The following TRIM9 variants were observed in gnomAD, a reference collection of about 807,000 sequenced individuals.
TRIM9 encodes the protein E3 ubiquitin-protein ligase TRIM9.
In TRIM9, 26 loss-of-function variants were observed where a neutral mutation model predicts 78.3. The observed-to-expected ratio is 0.33, with a 90% CI of 0.24 to 0.46. The LOEUF (loss-of-function observed/expected upper bound fraction) is 0.46. Ranked by LOEUF, TRIM9 falls within the 20% of genes least tolerant of loss-of-function variation. The probability of loss-of-function intolerance (pLI) is 1.00; values close to 1 mark genes in which losing one functional copy is unlikely to be tolerated. For synonymous variants in TRIM9, 398 were observed against 416.5 expected (o/e 0.96, Z 0.54); for missense variants, 787 against 1,036.4 (o/e 0.76, Z 3.30).
intron 1 of TRIM9, among the ~76,000 whole-genome samples, chr14:51,031,003 C>A (rs935207218): frequency 6.6e-6 from 1 of 151,768 alleles, no homozygotes; most frequent in Non-Finnish European, 1.5e-5. Context: ...AAAAAGTTAG[C>A]CAGGCATGGT....
chr14:51,073,501 T>G (rs187596759), intron 1 of TRIM9, among the ~76,000 whole-genome samples: 1 of 152,256 alleles, frequency 6.6e-6, no homozygotes, highest in Non-Finnish European at 1.5e-5. Flanking sequence ...ACAATATAAG[T>G]GGATCCAAAA....
intron 1 of TRIM9, chr14:51,088,852 T>C (rs1030316284): frequency 4.6e-5 from 7 of 152,156 alleles, no homozygotes; most frequent in African/African-American, 1.7e-4. Flanking sequence ...CTAAACACAA[T>C]ATTCTAAAGA....
intron 4 of TRIM9, among the ~76,000 whole-genome samples, chr14:51,009,440 G>A (rs1279056687): frequency 6.6e-6 from 1 of 152,146 alleles, no homozygotes. Flanking sequence ...TTGTGAGTTG[G>A]GGGGCACTAT....
At position 50,985,815 on chromosome 14, in the gene TRIM9, C is replaced by T. The variant is rs968119029; in HGVS notation, c.1792+141G>A. 39 of 713,334 alleles carry T rather than the reference C, an allele frequency of 5.5e-5. 1 individual carries two copies. Among genetic ancestry groups the T allele is most frequent in the Non-Finnish European group, 7.0e-5 (34 of 485,738 alleles). 44.2% of individuals were successfully genotyped at this position (713,334 alleles called of 1,614,324 possible). A position where few individuals can be genotyped will look rare whatever the true frequency, so the allele number is the denominator to read the frequency against. On this transcript the variant is annotated intron_variant, in intron 8 of 12. Coordinates refer to ENST00000684578, the MANE Select transcript of TRIM9 (RefSeq NM_001387360.1). ...CACAAAGCTCCACCATCCCGATGCT[C>T]CTCATACGGAAAGCAGGCCACAGAC... is the stretch of plus-strand genomic sequence containing the variant.
At chr14:51,006,677 G>A (rs535581095) in intron 5 of TRIM9, among the ~76,000 whole-genome samples, 1 of 152,304 alleles carries the variant, frequency 6.6e-6, no homozygotes, top group African/African-American at 2.4e-5. Flanking sequence ...GAAAATGGAA[G>A]ACTATAATCC....
At chr14:50,983,911 CTTA>C (rs1566543755) in intron 8 of TRIM9, among the ~76,000 whole-genome samples, 1 of 152,132 alleles carries the variant, frequency 6.6e-6, no homozygotes, top group African/African-American at 2.4e-5. Context: ...ATACATACAT[CTTA>C]TTAATAATTA....
At chr14:50,979,236 T>G (rs2051482339) in intron 12 of TRIM9, 151 bp downstream of exon 12, 2 of 1,501,864 alleles carry the variant, frequency 1.3e-6, no homozygotes, top group Admixed American at 2.4e-5. Context: ...AAGTTGCCAG[T>G]GCTGATCCCT....
intron 12 of TRIM9, 103 bp from the exon 13 acceptor site, chr14:50,977,456 C>T (rs2051196700): frequency 6.7e-6 from 6 of 893,090 alleles, no homozygotes; most frequent in African/African-American, 3.5e-5. Context: ...GTTCTGTTTG[C>T]TTCGCTTTAA....
At chr14:51,010,522 A>G in intron 3 of TRIM9, 28 bp from the exon 4 acceptor site, 1 of 1,550,160 alleles carries the variant, frequency 6.5e-7, no homozygotes, top group Non-Finnish European at 8.9e-7. Context: ...ACAACAGAAC[A>G]GTCCAAGATG....
At chr14:51,053,595 A>ATTTTTTTTTTT (rs59227932) in intron 1 of TRIM9, among the ~76,000 whole-genome samples, 2 of 82,210 alleles carry the variant, frequency 2.4e-5, no homozygotes, top group Non-Finnish European at 4.7e-5. Flanking sequence ...TTTTTTTTTA[A>ATTTTTTTTTTT]TTTTTTTTTT....
chr14:50,998,860 T>C (rs910933558), intron 6 of TRIM9, among the ~76,000 whole-genome samples: 2 of 152,218 alleles, frequency 1.3e-5, no homozygotes, highest in African/African-American at 2.4e-5. Flanking sequence ...GCTGTACACA[T>C]TGCAAAATTA....
intron 5 of TRIM9, among the ~76,000 whole-genome samples, chr14:51,002,790 A>G (rs1192302257): frequency 6.6e-6 from 1 of 152,256 alleles, no homozygotes; most frequent in Non-Finnish European, 1.5e-5. Context: ...TATACTTAAG[A>G]AAACACTGTG....
intron 1 of TRIM9, among the ~76,000 whole-genome samples, chr14:51,048,845 G>A (rs2060159071): frequency 6.6e-6 from 1 of 151,960 alleles, no homozygotes; most frequent in South Asian, 2.1e-4. Flanking sequence ...TTAGCTGGGT[G>A]TGGTGATGGA....
At chr14:51,020,277 C>T (rs539761037) in intron 3 of TRIM9, among the ~76,000 whole-genome samples, 64 of 152,186 alleles carry the variant, frequency 4.2e-4, no homozygotes, top group African/African-American at 1.5e-3. Context: ...GAGAGGAGAG[C>T]GAGCGAGCCG....
chr14:51,080,386 A>ATG (rs113178358), intron 1 of TRIM9, among the ~76,000 whole-genome samples: 4,463 of 150,802 alleles, frequency 0.03, 163 homozygotes, highest in African/African-American at 0.085. Flanking sequence ...GTCTGAGGGC[A>ATG]TGGAAGAGTC....
intron 1 of TRIM9, among the ~76,000 whole-genome samples, chr14:51,062,710 A>G (rs1224786482): frequency 6.6e-6 from 1 of 152,178 alleles, no homozygotes; most frequent in Non-Finnish European, 1.5e-5. Flanking sequence ...GAATCCTTGA[A>G]ATCTGTATTT....
intron 1 of TRIM9, among the ~76,000 whole-genome samples, chr14:51,039,392 C>T (rs963688213): frequency 1.3e-5 from 2 of 152,222 alleles, no homozygotes; most frequent in Non-Finnish European, 2.9e-5. Context: ...GCTCAGATGT[C>T]TACCAACAGT....
intron 12 of TRIM9, among the ~76,000 whole-genome samples, chr14:50,978,551 C>CA (rs938251327): frequency 6.6e-6 from 1 of 152,194 alleles, no homozygotes; most frequent in Non-Finnish European, 1.5e-5. Context: ...CTTTAAGGCT[C>CA]AGCTCACCGG....
intron 5 of TRIM9, among the ~76,000 whole-genome samples, chr14:51,002,934 A>G (rs1311459469): frequency 1.3e-5 from 2 of 152,232 alleles, no homozygotes; most frequent in Non-Finnish European, 2.9e-5. Context: ...CAGGGTTTGG[A>G]TGAAATCTTA....
Sources: gnomAD v4.1 joint callset for allele counts (sites outside exome capture counted in the v4.1 genomes callset) on GRCh38, gnomAD v4.1.1 for gene constraint, MANE v1.5 for transcripts, NCBI Gene and HGNC (gene_info 2026-07-23, HGNC 2026-07-21) for gene names.